Variants in DNAJC16 observed in about 807,000 individuals in gnomAD.
The protein encoded by DNAJC16 is dnaJ homolog subfamily C member 16.
Under a neutral mutation model 92.7 loss-of-function variants are expected in DNAJC16, and 76 were observed. The observed-to-expected ratio is 0.82, with a 90% CI of 0.68 to 0.99. DNAJC16 has a LOEUF of 0.99. Among genes scored for constraint, DNAJC16 ranks in the 50% least tolerant of loss-of-function variants. The pLI is 0.00. For synonymous variants in DNAJC16, 328 were observed against 358.7 expected (o/e 0.91, Z 0.97); for missense variants, 869 against 942.4 (o/e 0.92, Z 1.02).
intron 8 of DNAJC16, 149 bp downstream of exon 8, chr1:15,559,805 T>A (rs906338195): frequency 8.5e-7 from 1 of 1,180,812 alleles, no homozygotes; most frequent in South Asian, 1.6e-5. Flanking sequence ...GGCTCATGCC[T>A]GTAATCCCAG....
intron 7 of DNAJC16, among the ~76,000 whole-genome samples, chr1:15,553,061 C>T (rs1022361870): frequency 2.6e-5 from 4 of 151,702 alleles, no homozygotes; most frequent in Admixed American, 6.6e-5. Context: ...TGAGCCACCG[C>T]GCCCGGCCTG....
rs1638916570 is a variant in DNAJC16 at position 15,570,096 on chromosome 1, A to G, written c.*1919A>G. The G allele has an allele frequency of 2.0e-5, 3 of 152,666 alleles. No individual in the cohort carries two copies. Among genetic ancestry groups the G allele is most frequent in the African/African-American group, 7.2e-5 (3 of 41,472 alleles). 9.5% of individuals were successfully genotyped at this position (152,666 alleles called of 1,614,324 possible). A position where few individuals can be genotyped will look rare whatever the true frequency, so the allele number is the denominator to read the frequency against. ...ATGGAGTCTGTAGCTTTATTAAAAA[A>G]TAAATCACTGCCAGGCTTCATTCTT... is the stretch of plus-strand genomic sequence containing the variant. On this transcript the variant is annotated 3_prime_UTR_variant, in exon 15 of 15. Coordinates refer to ENST00000375847, the MANE Select transcript of DNAJC16 (RefSeq NM_015291.4).
chr1:15,568,657 A>G lies in DNAJC16; in HGVS notation c.*480A>G. 5.0e-6 allele frequency: 2 copies of G among 399,282 alleles called. No individual in the cohort carries two copies. The highest frequency in any genetic ancestry group is 8.8e-6 in the Non-Finnish European group (2 of 226,612). The allele number at this position is 399,282 out of a possible 1,614,324, so 24.7% of individuals were successfully genotyped here. A position where few individuals can be genotyped will look rare whatever the true frequency, so the allele number is the denominator to read the frequency against. On this transcript the variant is annotated 3_prime_UTR_variant, in exon 15 of 15. Transcript: ENST00000375847. The stretch of plus-strand genomic sequence containing the variant: ...CTCTGAACAACCCACGGCAGCTTCT[A>G]GCCCCGCATCTGGAAAAAGGCCCCT...
At chr1:15,562,052 C>T (rs1638703112) in intron 8 of DNAJC16, 90 bp from the exon 9 acceptor site, 4 of 1,332,410 alleles carry the variant, frequency 3.0e-6, no homozygotes, top group African/African-American at 1.5e-5. Flanking sequence ...ATAAGATGAG[C>T]TCCTCGTCTT....
In DNAJC16 at chr1:15,569,662, CAG is replaced by C. The variant is rs1638905287; in HGVS notation, c.*1488_*1489del. On this transcript the variant is annotated 3_prime_UTR_variant, in exon 15 of 15. Coordinates refer to ENST00000375847, the MANE Select transcript of DNAJC16 (RefSeq NM_015291.4). ...TTTTTTTTTTTTTTAGTTGTTGAGACAGAGTTTCACTCTTGTTGCCCAGGCTG... is the reference window on the plus strand; with the variant it reads ...TTTTTTTTTTTTTTAGTTGTTGAGACAGTTTCACTCTTGTTGCCCAGGCTG... 7.4e-6 allele frequency: 1 copy of C among 135,996 alleles called. No individual in the cohort carries two copies. The highest frequency in any genetic ancestry group is 1.5e-5 in the Non-Finnish European group (1 of 64,808). 8.4% of individuals were successfully genotyped at this position (135,996 alleles called of 1,614,324 possible).
Position 15,562,326 on chromosome 1 carries a change from G to T in DNAJC16, c.1338+1G>T. The T allele has an allele frequency of 2.5e-6, 4 of 1,611,686 alleles. No homozygotes were observed. The highest frequency in any genetic ancestry group is 3.4e-6 in the Non-Finnish European group (4 of 1,178,358). ...TGAGGCGTTTCAAGGGAAATCAGCG[G>T]TAAGCCACAGAGTCTCTCCTCATCC... On this transcript the variant is annotated splice_donor_variant, in intron 9 of 14. Transcript: ENST00000375847. LOFTEE classifies it high-confidence loss of function.
rs766639982 is a variant in DNAJC16, at chr1:15,569,374, G to C, written c.*1197G>C. On this transcript the variant is annotated 3_prime_UTR_variant, in exon 15 of 15. Transcript: ENST00000375847. The stretch of plus-strand genomic sequence containing the variant: ...CTTCATTGTTTTCACTCTTAACTTA[G>C]AGCTGCTTCACCAGTATTGGGGTCA... The C allele has an allele frequency of 2.0e-5, 3 of 152,108 alleles. No individual in the cohort carries two copies. Among genetic ancestry groups the C allele is most frequent in the Non-Finnish European group, 4.4e-5 (3 of 68,026 alleles). 9.4% of individuals were successfully genotyped at this position (152,108 alleles called of 1,614,324 possible). A position where few individuals can be genotyped will look rare whatever the true frequency, so the allele number is the denominator to read the frequency against.
intron 13 of DNAJC16, 119 bp downstream of exon 13, chr1:15,566,299 T>C (rs934834570): frequency 3.8e-6 from 3 of 798,364 alleles, no homozygotes; most frequent in Non-Finnish European, 5.9e-6. Context: ...CCTCCTCCCA[T>C]GTAAACTGTG....
At chr1:15,567,604 G>A (rs529798250) in intron 14 of DNAJC16, among the ~76,000 whole-genome samples, 174 bp from the exon 15 acceptor site, 4 of 152,184 alleles carry the variant, frequency 2.6e-5, no homozygotes, top group Admixed American at 6.5e-5. Flanking sequence ...TTGAAGTGTC[G>A]CAGCTGCTGG....
chr1:15,544,636 G>A (rs1201801276), intron 5 of DNAJC16, 53 bp downstream of exon 5: 9 of 1,571,548 alleles, frequency 5.7e-6, no homozygotes, highest in East Asian at 4.5e-5. Flanking sequence ...GAGGTACCTA[G>A]GACTGTTAAT....
At chr1:15,534,578 C>A (rs6690813) in intron 3 of DNAJC16, among the ~76,000 whole-genome samples, 97,895 of 151,874 alleles carry the variant, frequency 0.64, 33,037 homozygotes, top group African/African-American at 0.85. Context: ...AAAAAAAATT[C>A]GCCGGGCGTG....
intron 4 of DNAJC16, among the ~76,000 whole-genome samples, chr1:15,538,958 C>T (rs912557037): frequency 2.0e-5 from 3 of 152,150 alleles, no homozygotes; most frequent in African/African-American, 7.2e-5. Flanking sequence ...CTGTGCCATC[C>T]CCTAAGGCCT....
rs140134546 is a variant in DNAJC16 at position 15,529,543 on chromosome 1, A to G, written c.167+271A>G. The stretch of plus-strand genomic sequence containing the variant: ...TGTTAGCATATTTAATGTTAAAGTA[A>G]CAAGTTTTAATTTTAAAAAAATGTA... On this transcript the variant is annotated intron_variant, in intron 2 of 14. Transcript: ENST00000375847. 9.7e-4 allele frequency among the ~76,000 whole-genome samples: 148 copies of G among 152,346 alleles called. 1 individual carries two copies. Among genetic ancestry groups the G allele is most frequent in the African/African-American group, 3.4e-3 (142 of 41,572 alleles).
chr1:15,548,828 ACT>A (rs1225388348), intron 7 of DNAJC16, among the ~76,000 whole-genome samples: 1 of 152,126 alleles, frequency 6.6e-6, no homozygotes, highest in Non-Finnish European at 1.5e-5. Flanking sequence ...TGATAACTTG[ACT>A]CTAAATTTTA....
chr1:15,563,996 T>C lies in DNAJC16; in HGVS notation c.1406T>C (p.Ile469Thr). 6.2e-7 allele frequency: 1 copy of C among 1,614,170 alleles called. No individual in the cohort carries two copies. The highest frequency in any genetic ancestry group is 8.5e-7 in the Non-Finnish European group (1 of 1,180,026). Reference sequence around the variant, plus strand: ...TATAAAACCCTGGAAGACCCTTGGATTGGGAGTGAGAGTGACAAATTTATC... The same window carrying C: ...TATAAAACCCTGGAAGACCCTTGGACTGGGAGTGAGAGTGACAAATTTATC... ...VVYKTLEDPW[I>T]GSESDKFILL... The change falls in exon 10 of 15, where the codon ATT (isoleucine) becomes ACT (threonine). Residue 469 changes from isoleucine to threonine, a missense_variant. Transcript: ENST00000375847.
rs148744006 is a variant in DNAJC16 at position 15,544,151 on chromosome 1, TAC to T, written c.575-214_575-213del. On this transcript the variant is annotated intron_variant, in intron 4 of 14. Coordinates refer to ENST00000375847, the MANE Select transcript of DNAJC16 (RefSeq NM_015291.4). ...CCCCATTTTGTTTTATGTATATGCA[TAC>T]ACACACACACACACACACACACACA... 6.9e-3 allele frequency among the ~76,000 whole-genome samples: 942 copies of T among 137,108 alleles called. 29 individuals are homozygous for T. The highest frequency in any genetic ancestry group is 0.037 in the Admixed American group (505 of 13,794). 89.9% of individuals were successfully genotyped at this position (137,108 alleles called of 152,430 possible).
intron 2 of DNAJC16, among the ~76,000 whole-genome samples, chr1:15,531,420 G>A (rs1407606161): frequency 6.6e-6 from 1 of 152,094 alleles, no homozygotes; most frequent in African/African-American, 2.4e-5. Context: ...CTCCTTCCAG[G>A]GACTCTTTAT....
In DNAJC16 at chr1:15,566,196, C is replaced by T; in HGVS notation, c.1778+16C>T. 1 of 1,598,212 alleles carries T rather than the reference C, an allele frequency of 6.3e-7. No individual in the cohort carries two copies. The highest frequency in any genetic ancestry group is 8.6e-7 in the Non-Finnish European group (1 of 1,167,296). Reference sequence around the variant, plus strand: ...AAAACAGCAGGTTTCTCTAACAAAACACCAGACTCACCTCCCCGGCACCTG... The same window carrying T: ...AAAACAGCAGGTTTCTCTAACAAAATACCAGACTCACCTCCCCGGCACCTG... On this transcript the variant is annotated intron_variant, in intron 13 of 14. Transcript: ENST00000375847.
chr1:15,544,316 T>G, intron 4 of DNAJC16, 83 bp from the exon 5 acceptor site: 1 of 1,395,002 alleles, frequency 7.2e-7, no homozygotes, highest in Non-Finnish European at 9.6e-7. Context: ...GATTTCAATT[T>G]CACACCAAAA....
Sources: gnomAD v4.1 joint callset for allele counts (sites outside exome capture counted in the v4.1 genomes callset) on GRCh38, gnomAD v4.1.1 for gene constraint, MANE v1.5 for transcripts, NCBI Gene and HGNC (gene_info 2026-07-23, HGNC 2026-07-21) for gene names.